DCLRE1C: variants seen among roughly 807,000 people sequenced by gnomAD.
The protein encoded by DCLRE1C is protein artemis.
A neutral mutation model predicts 61.4 loss-of-function variants in DCLRE1C; 47 were observed. That is an observed-to-expected ratio of 0.77 (90% CI 0.61 to 0.98). The LOEUF is 0.98. DCLRE1C is among the 50% of genes least tolerant of loss of function. DCLRE1C has a pLI of 0.00. For synonymous variants in DCLRE1C, 337 were observed against 287.6 expected (o/e 1.17, Z -1.74); for missense variants, 858 against 816.0 (o/e 1.05, Z -0.63).
At chr10:14,937,327 C>A (rs908494573) in intron 4 of DCLRE1C, among the ~76,000 whole-genome samples, 1 of 148,704 alleles carries the variant, frequency 6.7e-6, no homozygotes. Flanking sequence ...ACTCTGTCAC[C>A]CAGGCTGGAG....
chr10:14,946,678 T>TA (rs397846704), intron 2 of DCLRE1C, among the ~76,000 whole-genome samples: 1 of 150,966 alleles, frequency 6.6e-6, no homozygotes, highest in Non-Finnish European at 1.5e-5. Flanking sequence ...TTTTTTTTTT[T>TA]AGGGGGAGGG....
rs1252808492 is a variant in DCLRE1C, at chr10:14,920,253, G to T, written c.1062-421C>A. 4 of 421,330 alleles carry T rather than the reference G, an allele frequency of 9.5e-6. No individual in the cohort carries two copies. The East Asian group carries it at 3.9e-4, about 41-fold the overall frequency. The allele number at this position is 421,330 out of a possible 1,614,324, so 26.1% of individuals were successfully genotyped here. A position where few individuals can be genotyped will look rare whatever the true frequency, so the allele number is the denominator to read the frequency against. On this transcript the variant is annotated intron_variant, in intron 12 of 13. Transcript: ENST00000378278. ...TGCTTCTCCTGCCCTGTTCAGTAGGGTTTACTTATATCTCACAGGAATCTC... is the reference window on the plus strand; with the variant it reads ...TGCTTCTCCTGCCCTGTTCAGTAGGTTTTACTTATATCTCACAGGAATCTC...
chr10:14,917,507 A>T (rs1171048942), intron 13 of DCLRE1C, among the ~76,000 whole-genome samples: 1 of 151,996 alleles, frequency 6.6e-6, no homozygotes, highest in African/African-American at 2.4e-5. Flanking sequence ...AACAAAAAAA[A>T]CTTGTATCCA....
chr10:14,911,918 T>TA (rs1166693757), intron 13 of DCLRE1C, among the ~76,000 whole-genome samples: 2 of 152,200 alleles, frequency 1.3e-5, no homozygotes, highest in African/African-American at 2.4e-5. Flanking sequence ...ATGGCTATAC[T>TA]AAAAAAGACG....
At chr10:14,923,257 A>C in intron 11 of DCLRE1C, 188 bp from the exon 12 acceptor site, 1 of 594,412 alleles carries the variant, frequency 1.7e-6, no homozygotes, top group Non-Finnish European at 3.0e-6. Context: ...CTCACTCCCA[A>C]AGATCTCCTG....
chr10:14,946,001 A>G (rs1336591592), intron 2 of DCLRE1C, among the ~76,000 whole-genome samples: 1 of 136,994 alleles, frequency 7.3e-6, no homozygotes, highest in African/African-American at 2.7e-5. Context: ...TAATTTCATA[A>G]TAAACTTTTT....
intron 13 of DCLRE1C, among the ~76,000 whole-genome samples, chr10:14,913,089 C>G (rs896559115): frequency 1.3e-5 from 2 of 152,184 alleles, no homozygotes; most frequent in Non-Finnish European, 2.9e-5. Flanking sequence ...TCTCTCTGAC[C>G]TCATGATCCA....
intron 13 of DCLRE1C, among the ~76,000 whole-genome samples, chr10:14,915,721 AAGAT>A (rs1836074685): frequency 6.6e-6 from 1 of 152,116 alleles, no homozygotes; most frequent in Non-Finnish European, 1.5e-5. Context: ...TCATTTAAGA[AAGAT>A]ATAATGCCAA....
In DCLRE1C at chr10:14,936,544, G is replaced by C. The variant is rs781123663; in HGVS notation, c.356C>G (p.Ser119Ter). Residue 119 changes from serine to a stop codon, truncating the protein, a stop_gained, in exon 5 of 14, where the codon TCA becomes TGA. Transcript: ENST00000378278. LOFTEE classifies it high-confidence loss of function. The stretch of plus-strand genomic sequence containing the variant: ...AAATAAATGACCCCCTTACATAACT[G>C]ATCCCGGACAGTGACCAGCTGGTAA... ...TLLPAGHCPG[S>*]VMFLFQGNNG... The C allele has an allele frequency of 1.2e-6, 2 of 1,612,270 alleles. No individual in the cohort carries two copies. Among genetic ancestry groups the C allele is most frequent in the Non-Finnish European group, 1.7e-6 (2 of 1,178,544 alleles).
At chr10:14,947,536 C>A (rs1841881082) in intron 2 of DCLRE1C, 1 of 152,300 alleles carries the variant, frequency 6.6e-6, no homozygotes, top group Admixed American at 6.5e-5. Flanking sequence ...TGGCTGGAAT[C>A]CTGGTCCTGC....
In DCLRE1C at chr10:14,945,398, G is replaced by A. The variant is rs960055094; in HGVS notation, c.162-209C>T. The A allele has an allele frequency of 2.4e-5, 31 of 1,290,518 alleles. 1 individual carries two copies. The highest frequency in any genetic ancestry group is 1.4e-4 in the South Asian group (9 of 62,336). The allele number at this position is 1,290,518 out of a possible 1,614,324, so 79.9% of individuals were successfully genotyped here. A position where few individuals can be genotyped will look rare whatever the true frequency, so the allele number is the denominator to read the frequency against. On this transcript the variant is annotated intron_variant, in intron 2 of 13. Coordinates refer to ENST00000378278, the MANE Select transcript of DCLRE1C (RefSeq NM_001033855.3). The stretch of plus-strand genomic sequence containing the variant: ...ATACATCTAATAATTCAGAAATTAC[G>A]CTGGCACAAAATCTGTTAGAGTCAC...
chr10:14,944,050 A>G (rs1841296020), intron 3 of DCLRE1C, among the ~76,000 whole-genome samples: 2 of 152,094 alleles, frequency 1.3e-5, no homozygotes, highest in South Asian at 2.1e-4. Context: ...TACCCATTCT[A>G]TCTGTATTCT....
chr10:14,902,813 G>T, downstream of DCLRE1C: 1 of 176,238 alleles, frequency 5.7e-6, no homozygotes. Flanking sequence ...GCCTCCCGTA[G>T]TGTTTGAAAG....
chr10:14,951,018 C>T (rs532043715), intron 1 of DCLRE1C, among the ~76,000 whole-genome samples: 2 of 152,316 alleles, frequency 1.3e-5, no homozygotes, highest in East Asian at 3.9e-4. Flanking sequence ...CTGCACACAG[C>T]ATTGGCTTCC....
Position 14,923,178 on chromosome 10 carries a change from G to A in DCLRE1C, c.973-109C>T, listed in dbSNP as rs1837403754. On this transcript the variant is annotated intron_variant, in intron 11 of 13. Coordinates refer to ENST00000378278, the MANE Select transcript of DCLRE1C (RefSeq NM_001033855.3). ...GAAGCAGAACTCTCTTATGGCTGTG[G>A]TTCTCAATGCTGGCTGCACGTGGGG... 5 of 843,050 alleles carry A rather than the reference G, an allele frequency of 5.9e-6. No homozygotes were observed. In the Admixed American group the frequency reaches 6.0e-5, roughly 10 times the overall value. The allele number at this position is 843,050 out of a possible 1,614,324, so 52.2% of individuals were successfully genotyped here.
chr10:14,928,216 G>C, intron 9 of DCLRE1C, 64 bp from the exon 10 acceptor site: 1 of 1,496,028 alleles, frequency 6.7e-7, no homozygotes, highest in Admixed American at 1.9e-5. Flanking sequence ...TGTAGGCAGA[G>C]TCTCAAAAAC....
chr10:14,913,570 T>C (rs1365980885), intron 13 of DCLRE1C, among the ~76,000 whole-genome samples: 1 of 152,212 alleles, frequency 6.6e-6, no homozygotes, highest in Non-Finnish European at 1.5e-5. Flanking sequence ...CTCTGATATG[T>C]TAAAGATGTA....
intron 1 of DCLRE1C, among the ~76,000 whole-genome samples, chr10:14,951,588 T>C (rs1027951711): frequency 6.6e-6 from 1 of 152,032 alleles, no homozygotes; most frequent in African/African-American, 2.4e-5. Flanking sequence ...CAAAAAGGTA[T>C]TTCTCACAGT....
In DCLRE1C at chr10:14,954,025, C is replaced by G; in HGVS notation, c.-15G>C. 6.2e-7 allele frequency: 1 copy of G among 1,613,862 alleles called. No individual in the cohort carries two copies. The highest frequency in any genetic ancestry group is 1.3e-5 in the African/African-American group (1 of 75,046). The stretch of plus-strand genomic sequence containing the variant: ...AAAGAACTCATAGCGCCGCCGATCC[C>G]AGAGTCCGGGACCCCAAAACCGCAG... On this transcript the variant is annotated 5_prime_UTR_variant, in exon 1 of 14. Transcript: ENST00000378278.
Sources: gnomAD v4.1 joint callset for allele counts (sites outside exome capture counted in the v4.1 genomes callset) on GRCh38, gnomAD v4.1.1 for gene constraint, MANE v1.5 for transcripts, NCBI Gene and HGNC (gene_info 2026-07-23, HGNC 2026-07-21) for gene names.